Variants in ERC2 observed in about 807,000 individuals in gnomAD.
ERC2 encodes ELKS/RAB6-interacting/CAST family member 2, also known as ERC protein 2.
ERC2 carries 42 observed loss-of-function variants against 114.8 expected under a neutral mutation model. The observed-to-expected ratio is 0.37, with a 90% CI of 0.29 to 0.47. The LOEUF (loss-of-function observed/expected upper bound fraction) is 0.47, where lower values mean the gene tolerates loss of function less well. Ranked by LOEUF, ERC2 falls within the 20% of genes least tolerant of loss-of-function variation. The pLI, the probability that ERC2 is intolerant of heterozygous loss-of-function variation, is 0.99. For synonymous variants in ERC2, 454 were observed against 425.5 expected (o/e 1.07, Z -0.82); for missense variants, 939 against 1,150.7 (o/e 0.82, Z 2.66).
chr3:55,617,855 G>A (rs1013859701), intron 17 of ERC2, among the ~76,000 whole-genome samples: 6 of 152,216 alleles, frequency 3.9e-5, no homozygotes, highest in Non-Finnish European at 5.9e-5. Context: ...AGCAAGGGAA[G>A]TGGGGCCACT....
At chr3:56,023,634 T>C (rs2073861018) in intron 7 of ERC2, among the ~76,000 whole-genome samples, 1 of 152,130 alleles carries the variant, frequency 6.6e-6, no homozygotes, top group Admixed American at 6.6e-5. Flanking sequence ...ATTGCTTCCT[T>C]ACTTATCTAT....
At chr3:56,395,032 A>G (rs1182241054) in intron 2 of ERC2, among the ~76,000 whole-genome samples, 1 of 149,430 alleles carries the variant, frequency 6.7e-6, no homozygotes, top group Non-Finnish European at 1.5e-5. Context: ...TCTTAAAAAC[A>G]TCACACTAAG....
At chr3:56,340,601 G>A (rs893225783) in intron 2 of ERC2, among the ~76,000 whole-genome samples, 1 of 146,334 alleles carries the variant, frequency 6.8e-6, no homozygotes, top group East Asian at 2.1e-4. Context: ...AATTTACAGA[G>A]CATATTTTTA....
intron 2 of ERC2, among the ~76,000 whole-genome samples, chr3:56,391,224 T>C (rs1440995330): frequency 6.6e-6 from 1 of 152,180 alleles, no homozygotes; most frequent in African/African-American, 2.4e-5. Flanking sequence ...AAGACTGTCA[T>C]AAGAAGGAGG....
intron 6 of ERC2, among the ~76,000 whole-genome samples, chr3:56,113,379 C>T (rs966840977): frequency 6.6e-6 from 1 of 152,142 alleles, no homozygotes; most frequent in South Asian, 2.1e-4. Flanking sequence ...GAGCATCAGT[C>T]CCTGCTGACC....
chr3:56,451,515 C>T (rs1162381795), intron 1 of ERC2, among the ~76,000 whole-genome samples: 1 of 152,068 alleles, frequency 6.6e-6, no homozygotes, highest in Non-Finnish European at 1.5e-5. Context: ...AAAAATATGA[C>T]TGATAACCAT....
intron 17 of ERC2, among the ~76,000 whole-genome samples, chr3:55,635,307 A>C (rs2059916019): frequency 6.6e-6 from 1 of 152,218 alleles, no homozygotes; most frequent in South Asian, 2.1e-4. Flanking sequence ...TTGGAACAGG[A>C]AATGCTTCCT....
intron 2 of ERC2, among the ~76,000 whole-genome samples, chr3:56,409,343 A>G (rs577186270): frequency 3.3e-5 from 5 of 152,262 alleles, no homozygotes; most frequent in South Asian, 2.1e-4. Flanking sequence ...CTGGGAATAT[A>G]TAGAGTCCCA....
At chr3:56,203,406 T>C (rs1478568971) in intron 3 of ERC2, among the ~76,000 whole-genome samples, 1 of 152,210 alleles carries the variant, frequency 6.6e-6, no homozygotes, top group African/African-American at 2.4e-5. Context: ...TCATGCTGAT[T>C]AAGGCAAAAA....
At chr3:56,106,347 A>G (rs2078664057) in intron 6 of ERC2, among the ~76,000 whole-genome samples, 1 of 152,250 alleles carries the variant, frequency 6.6e-6, no homozygotes, top group Non-Finnish European at 1.5e-5. Flanking sequence ...AAGCAGAATG[A>G]TCCAGTTATG....
intron 2 of ERC2, among the ~76,000 whole-genome samples, chr3:56,349,747 A>G (rs1215458077): frequency 2.0e-5 from 3 of 152,104 alleles, no homozygotes; most frequent in Admixed American, 2.0e-4. Context: ...TCTACTAAAA[A>G]TACAAAAACA....
intron 7 of ERC2, among the ~76,000 whole-genome samples, chr3:56,063,849 C>G (rs544114069): frequency 6.6e-6 from 1 of 152,294 alleles, no homozygotes; most frequent in Non-Finnish European, 1.5e-5. Context: ...TCTGTACATA[C>G]ATATTGTAAA....
chr3:56,253,368 A>G (rs1276340375), intron 3 of ERC2, among the ~76,000 whole-genome samples: 1 of 152,212 alleles, frequency 6.6e-6, no homozygotes, highest in Non-Finnish European at 1.5e-5. Flanking sequence ...CTTATTTAAA[A>G]AACTGTTTAA....
At chr3:55,578,795 C>T (rs984841766) in intron 17 of ERC2, among the ~76,000 whole-genome samples, 2 of 152,138 alleles carry the variant, frequency 1.3e-5, no homozygotes, top group Non-Finnish European at 2.9e-5. Flanking sequence ...GGCTCTTTCA[C>T]ACATTTGGGG....
At chr3:55,689,112 GTTC>G (rs748656877) in intron 16 of ERC2, among the ~76,000 whole-genome samples, 3 of 152,142 alleles carry the variant, frequency 2.0e-5, no homozygotes, top group Non-Finnish European at 4.4e-5. Flanking sequence ...GCCTGGATTG[GTTC>G]TTCTCAGCAA....
chr3:55,582,618 T>G (rs1371008882), intron 17 of ERC2, among the ~76,000 whole-genome samples: 1 of 152,246 alleles, frequency 6.6e-6, no homozygotes, highest in South Asian at 2.1e-4. Flanking sequence ...GACTACCGAC[T>G]GCCTTTGTAT....
At chr3:55,698,664 G>A (rs1172282307) in intron 16 of ERC2, among the ~76,000 whole-genome samples, 2 of 152,102 alleles carry the variant, frequency 1.3e-5, no homozygotes, top group African/African-American at 4.8e-5. Context: ...AACAAAGTAA[G>A]AAATATTGCT....
intron 17 of ERC2, among the ~76,000 whole-genome samples, chr3:55,535,726 G>A (rs770134552): frequency 2.9e-4 from 44 of 152,198 alleles, no homozygotes; most frequent in South Asian, 1.7e-3. Context: ...CAGGCTGGGC[G>A]TGGTCGCCTA....
intron 14 of ERC2, among the ~76,000 whole-genome samples, chr3:55,840,138 T>C (rs1464981578): frequency 6.6e-6 from 1 of 151,878 alleles, no homozygotes; most frequent in East Asian, 1.9e-4. Context: ...CAAGAGGACA[T>C]AACAATCCTA....
Sources: gnomAD v4.1 joint callset for allele counts (sites outside exome capture counted in the v4.1 genomes callset) on GRCh38, gnomAD v4.1.1 for gene constraint, MANE v1.5 for transcripts, NCBI Gene and HGNC (gene_info 2026-07-23, HGNC 2026-07-21) for gene names.